The following BICD1 variants were observed in gnomAD, a reference collection of about 807,000 sequenced individuals.
The protein encoded by BICD1 is BICD cargo adaptor 1, also known as protein bicaudal D homolog 1.
A neutral mutation model predicts 92.5 loss-of-function variants in BICD1; 35 were observed. That is an observed-to-expected ratio of 0.38 (90% CI 0.29 to 0.50). The LOEUF is 0.50. Among genes scored for constraint, BICD1 ranks in the 20% least tolerant of loss-of-function variants. The pLI is 0.93. For missense variants in BICD1, 950 were observed against 1,189.8 expected (o/e 0.80, Z 2.97); for synonymous variants, 429 against 465.1 (o/e 0.92, Z 1.00).
At chr12:32,349,689 G>C (rs1001079355) in intron 8 of BICD1, among the ~76,000 whole-genome samples, 2 of 151,818 alleles carry the variant, frequency 1.3e-5, no homozygotes, top group Non-Finnish European at 2.9e-5. Flanking sequence ...CCCAAGAAAA[G>C]GGAATGTTTC....
At chr12:32,218,231 A>G (rs986744400) in intron 2 of BICD1, among the ~76,000 whole-genome samples, 2 of 152,222 alleles carry the variant, frequency 1.3e-5, no homozygotes, top group African/African-American at 4.8e-5. Context: ...GAAGTTAATT[A>G]ATTAAGCATG....
chr12:32,127,975 T>G (rs139929112), intron 1 of BICD1, among the ~76,000 whole-genome samples: 1,869 of 151,560 alleles, frequency 0.012, 37 homozygotes, highest in African/African-American at 0.043. Context: ...GCGATCTCAG[T>G]TCACTGCAGC....
chr12:32,310,670 G>A (rs1333903640), intron 4 of BICD1, among the ~76,000 whole-genome samples: 2 of 152,162 alleles, frequency 1.3e-5, no homozygotes, highest in East Asian at 3.9e-4. Flanking sequence ...AGGACAAAGA[G>A]AAAGGAAAAT....
intron 1 of BICD1, among the ~76,000 whole-genome samples, chr12:32,161,269 G>C (rs1365060288): frequency 6.6e-6 from 1 of 152,182 alleles, no homozygotes; most frequent in Non-Finnish European, 1.5e-5. Context: ...ACAAATGAAA[G>C]GGAGCTGACA....
At chr12:32,263,839 A>G (rs1382961204) in intron 2 of BICD1, among the ~76,000 whole-genome samples, 1 of 152,232 alleles carries the variant, frequency 6.6e-6, no homozygotes, top group East Asian at 1.9e-4. Flanking sequence ...GGATTGTTCT[A>G]CACGTATTTA....
intron 8 of BICD1, among the ~76,000 whole-genome samples, chr12:32,365,953 C>T (rs947468156): frequency 2.0e-5 from 3 of 152,148 alleles, no homozygotes; most frequent in Non-Finnish European, 4.4e-5. Flanking sequence ...GTATGATCAT[C>T]CGAACACCAG....
chr12:32,233,856 G>A (rs12304690), intron 2 of BICD1, among the ~76,000 whole-genome samples: 2,081 of 152,146 alleles, frequency 0.014, 54 homozygotes, highest in African/African-American at 0.048. Context: ...CAGTTGGCAG[G>A]TCTAGCCTGA....
chr12:32,325,441 A>G (rs2036304), intron 4 of BICD1, among the ~76,000 whole-genome samples: 34,770 of 152,060 alleles, frequency 0.23, 4,452 homozygotes, highest in East Asian at 0.6. Context: ...CACAATCAAT[A>G]TATTTGGTCA....
chr12:32,227,060 C>G (rs1460183573), intron 2 of BICD1, among the ~76,000 whole-genome samples: 1 of 152,184 alleles, frequency 6.6e-6, no homozygotes, highest in Non-Finnish European at 1.5e-5. Context: ...ACCAAGGGAG[C>G]TGGATGGACT....
At chr12:32,289,658 C>T (rs1319829334) in intron 2 of BICD1, among the ~76,000 whole-genome samples, 6 of 152,234 alleles carry the variant, frequency 3.9e-5, no homozygotes, top group African/African-American at 1.2e-4. Flanking sequence ...GCTGGGATTA[C>T]AGGCGTAAGC....
chr12:32,182,130 C>G (rs912937583), intron 1 of BICD1, among the ~76,000 whole-genome samples: 9 of 151,834 alleles, frequency 5.9e-5, no homozygotes, highest in Non-Finnish European at 1.0e-4. Flanking sequence ...CAGGAAACTT[C>G]TCATTGTAAA....
Position 32,345,381 on chromosome 12 carries a change from G to A in BICD1, c.2764+6402G>A, listed in dbSNP as rs1938528384. ...GCTGTATATTTTTCAATAGGTAATGGTTCAAAAATTTTAAAGTACAAAGGG... is the reference window on the plus strand; with the variant it reads ...GCTGTATATTTTTCAATAGGTAATGATTCAAAAATTTTAAAGTACAAAGGG... On this transcript the variant is annotated intron_variant, in intron 8 of 9. Transcript: ENST00000652176. Among the ~76,000 whole-genome samples, 4 of 152,034 alleles carry A rather than the reference G, an allele frequency of 2.6e-5. No individual in the cohort carries two copies. The South Asian group carries it at 6.3e-4, about 24-fold the overall frequency.
At chr12:32,331,551 A>G (rs939164989) in intron 5 of BICD1, among the ~76,000 whole-genome samples, 1 of 152,206 alleles carries the variant, frequency 6.6e-6, no homozygotes, top group Non-Finnish European at 1.5e-5. Context: ...AGGTCCAAAC[A>G]TGAAATTTAC....
At chr12:32,251,571 A>T (rs1177065111) in intron 2 of BICD1, among the ~76,000 whole-genome samples, 1 of 151,998 alleles carries the variant, frequency 6.6e-6, no homozygotes, top group Non-Finnish European at 1.5e-5. Context: ...ATGCTCCTTG[A>T]TTTTTATCAC....
chr12:32,260,011 G>A (rs890455285), intron 2 of BICD1, among the ~76,000 whole-genome samples: 1 of 149,306 alleles, frequency 6.7e-6, no homozygotes, highest in African/African-American at 2.5e-5. Flanking sequence ...CACAACCTCT[G>A]CCTCCCGGGT....
At position 32,379,489 on chromosome 12, in the gene BICD1, CCCAA is replaced by C. The variant is rs1940109628; in HGVS notation, c.*1866_*1869del. On this transcript the variant is annotated 3_prime_UTR_variant, in exon 10 of 10. Transcript: ENST00000652176. Reference sequence around the variant, plus strand: ...AAACAAAACGATTCGACATGAAGTTCCCAACCATAGCAGCCTAACCTTCTGCTCT... The same window carrying C: ...AAACAAAACGATTCGACATGAAGTTCCCATAGCAGCCTAACCTTCTGCTCT... 1.3e-5 allele frequency: 2 copies of C among 152,190 alleles called. No homozygotes were observed. Among genetic ancestry groups the C allele is most frequent in the Admixed American group, 6.5e-5 (1 of 15,276 alleles). The allele number at this position is 152,190 out of a possible 1,614,324, so 9.4% of individuals were successfully genotyped here.
At chr12:32,265,478 G>A (rs1301148358) in intron 2 of BICD1, among the ~76,000 whole-genome samples, 1 of 151,708 alleles carries the variant, frequency 6.6e-6, no homozygotes, top group Non-Finnish European at 1.5e-5. Flanking sequence ...GGAGGCTGAG[G>A]CGGGAGGATC....
chr12:32,289,704 G>A (rs1947675931), intron 2 of BICD1, among the ~76,000 whole-genome samples: 3 of 152,190 alleles, frequency 2.0e-5, no homozygotes, highest in Admixed American at 1.3e-4. Flanking sequence ...TGTTTATAGA[G>A]GATGATTGGG....
intron 2 of BICD1, among the ~76,000 whole-genome samples, chr12:32,242,960 G>C (rs1946275314): frequency 6.6e-6 from 1 of 152,044 alleles, no homozygotes. Context: ...CTAACTCAAG[G>C]GTCTGTTGTG....
Sources: allele counts gnomAD v4.1 joint callset (sites outside exome capture counted in the v4.1 genomes callset), GRCh38; gene constraint gnomAD v4.1.1; transcripts MANE v1.5; gene names NCBI Gene and HGNC (gene_info 2026-07-23, HGNC 2026-07-21).